HNF4G: variants seen among roughly 807,000 people sequenced by gnomAD.
HNF4G encodes hepatocyte nuclear factor 4-gamma.
In HNF4G, 21 loss-of-function variants were observed where a neutral mutation model predicts 50.9. The observed-to-expected ratio is 0.41, with a 90% CI of 0.29 to 0.59. The LOEUF (loss-of-function observed/expected upper bound fraction) is 0.59. Ranked by LOEUF, HNF4G falls within the 20% of genes least tolerant of loss-of-function variation. The probability of loss-of-function intolerance (pLI) is 0.26; values close to 1 mark genes in which losing one functional copy is unlikely to be tolerated. For missense variants in HNF4G, 527 were observed against 559.4 expected, an observed-to-expected ratio of 0.94 and a Z score of 0.58; for synonymous variants, 198 against 185.6, an observed-to-expected ratio of 1.07 and a Z score of -0.54.
chr8:75,442,457 T>C (rs764733129), intron 1 of HNF4G, among the ~76,000 whole-genome samples: 3 of 152,052 alleles, frequency 2.0e-5, no homozygotes, highest in Non-Finnish European at 4.4e-5. Flanking sequence ...GCCTATAATC[T>C]CAGCACTGTG....
chr8:75,424,653 G>T (rs1810850521), intron 1 of HNF4G, among the ~76,000 whole-genome samples: 1 of 152,130 alleles, frequency 6.6e-6, no homozygotes, highest in South Asian at 2.1e-4. Context: ...GGTTTTCTGT[G>T]TTTGTGTTAA....
rs374803306 is a variant in HNF4G, at chr8:75,539,996, G to A, written c.34G>A (p.Asp12Asn). The A allele has an allele frequency of 3.1e-6, 5 of 1,600,124 alleles. No individual in the cohort carries two copies. The highest frequency in any genetic ancestry group is 4.3e-6 in the Non-Finnish European group (5 of 1,167,564). Residue 12 changes from aspartate (D) to asparagine (N), a missense_variant, in exon 1 of 10, where the codon GAC (aspartate) becomes AAC (asparagine). Transcript: ENST00000396423. Reference protein sequence around the residue: ...MRVSEPILDMDMANYSEVLDP... With the variant: ...MRVSEPILDMNMANYSEVLDP... ...GGTATCAGAACCAATACTGGACATG[G>A]ACATGGCAAATTACAGTGAAGTTTT...
chr8:75,450,110 T>A (rs1172588284), intron 1 of HNF4G, among the ~76,000 whole-genome samples: 1 of 152,208 alleles, frequency 6.6e-6, no homozygotes, highest in Non-Finnish European at 1.5e-5. Flanking sequence ...CTGTGACAGA[T>A]GTCTTTCTGT....
chr8:75,493,663 T>C (rs1204276318), intron 2 of HNF4G, among the ~76,000 whole-genome samples: 1 of 152,182 alleles, frequency 6.6e-6, no homozygotes, highest in East Asian at 1.9e-4. Flanking sequence ...TTTATCTATT[T>C]TTACAATAGT....
intron 5 of HNF4G, among the ~76,000 whole-genome samples, chr8:75,554,943 G>T (rs1585953422): frequency 6.6e-6 from 1 of 152,270 alleles, no homozygotes; most frequent in South Asian, 2.1e-4. Flanking sequence ...TCCAGATACA[G>T]GAACAGCATG....
intron 1 of HNF4G, among the ~76,000 whole-genome samples, chr8:75,460,761 G>A (rs536706702): frequency 2.6e-5 from 4 of 152,262 alleles, no homozygotes; most frequent in African/African-American, 4.8e-5. Context: ...GGAGTGGAGC[G>A]AATGAGCTCA....
intron 2 of HNF4G, among the ~76,000 whole-genome samples, chr8:75,499,957 A>G (rs1251645548): frequency 6.6e-6 from 1 of 152,146 alleles, no homozygotes; most frequent in Admixed American, 6.5e-5. Context: ...CATATTCATG[A>G]GCTTGTATTA....
chr8:75,477,896 G>C (rs532523227), intron 1 of HNF4G, among the ~76,000 whole-genome samples: 8 of 152,176 alleles, frequency 5.3e-5, no homozygotes, highest in Non-Finnish European at 1.0e-4. Context: ...GAACCCAGGA[G>C]GGGGAGGCTG....
At chr8:75,559,263 C>T (rs1015471289) in intron 8 of HNF4G, among the ~76,000 whole-genome samples, 2 of 78,842 alleles carry the variant, frequency 2.5e-5, no homozygotes, top group Non-Finnish European at 4.7e-5. Context: ...AACCCCCATT[C>T]GTTTTTTTTG....
rs75443647 is a variant in HNF4G at position 75,562,425 on chromosome 8, C to T, written c.1247-1550C>T. Among the ~76,000 whole-genome samples the T allele has an allele frequency of 5.9e-3, 903 of 152,234 alleles. 4 individuals carry two copies. Among genetic ancestry groups the T allele is most frequent in the Non-Finnish European group, 0.01 (689 of 68,010 alleles). ...CTTGAAAGACATTATTTGGGACCAT[C>T]CTTGCAGAATAGATCTTACCATTTT... On this transcript the variant is annotated intron_variant, in intron 9 of 9. Coordinates refer to ENST00000396423, the MANE Select transcript of HNF4G (RefSeq NM_004133.5).
At chr8:75,494,114 C>T (rs2943600) in intron 2 of HNF4G, among the ~76,000 whole-genome samples, 34,610 of 151,904 alleles carry the variant, frequency 0.23, 5,145 homozygotes, top group African/African-American at 0.42. Flanking sequence ...CATACTTTGT[C>T]GAAACAATTG....
chr8:75,456,297 A>T (rs182005426), intron 1 of HNF4G, among the ~76,000 whole-genome samples: 209 of 152,300 alleles, frequency 1.4e-3, no homozygotes, highest in African/African-American at 4.7e-3. Context: ...ACCTACTAAG[A>T]ATGAAAACAA....
At chr8:75,502,857 C>T (rs1486706307) in intron 2 of HNF4G, among the ~76,000 whole-genome samples, 3 of 152,118 alleles carry the variant, frequency 2.0e-5, no homozygotes, top group Non-Finnish European at 4.4e-5. Context: ...TAGCAAAAGT[C>T]TGAAATTGTC....
At chr8:75,502,303 T>C (rs1812950997) in intron 2 of HNF4G, among the ~76,000 whole-genome samples, 1 of 152,170 alleles carries the variant, frequency 6.6e-6, no homozygotes, top group Admixed American at 6.5e-5. Context: ...GAACATGTTT[T>C]CCCTAATCCT....
intron 5 of HNF4G, among the ~76,000 whole-genome samples, chr8:75,553,786 GAAAT>G (rs1304627053): frequency 1.3e-5 from 2 of 151,926 alleles, no homozygotes; most frequent in African/African-American, 4.8e-5. Flanking sequence ...AATTTATAGA[GAAAT>G]AAAATTTACA....
At chr8:75,500,912 A>G (rs1200190725) in intron 2 of HNF4G, among the ~76,000 whole-genome samples, 1 of 152,144 alleles carries the variant, frequency 6.6e-6, no homozygotes, top group African/African-American at 2.4e-5. Context: ...AGGACTGATG[A>G]AAATGTTTTG....
At chr8:75,451,266 A>G (rs958995913) in intron 1 of HNF4G, among the ~76,000 whole-genome samples, 4 of 151,950 alleles carry the variant, frequency 2.6e-5, no homozygotes, top group Admixed American at 2.0e-4. Context: ...GCTTGCAAAT[A>G]TATTCTCCCA....
intron 1 of HNF4G, among the ~76,000 whole-genome samples, chr8:75,438,908 CT>C (rs1395350885): frequency 6.6e-6 from 1 of 151,790 alleles, no homozygotes. Flanking sequence ...TTTTCCTTCA[CT>C]TTGATTTTTT....
chr8:75,554,973 C>T (rs377130234), intron 5 of HNF4G, among the ~76,000 whole-genome samples: 15 of 152,134 alleles, frequency 9.9e-5, no homozygotes, highest in East Asian at 9.6e-4. Context: ...CTGAGTCAGG[C>T]AGCAACAATG....
Sources: gnomAD v4.1 joint callset for allele counts (sites outside exome capture counted in the v4.1 genomes callset) on GRCh38, gnomAD v4.1.1 for gene constraint, MANE v1.5 for transcripts, NCBI Gene and HGNC (gene_info 2026-07-23, HGNC 2026-07-21) for gene names.